The following TRIM38 variants were observed in gnomAD, a reference collection of about 807,000 sequenced individuals.
The protein encoded by TRIM38 is E3 ubiquitin-protein ligase TRIM38.
A neutral mutation model predicts 35.8 loss-of-function variants in TRIM38; 35 were observed. That is an observed-to-expected ratio of 0.98 (90% CI 0.75 to 1.30). The LOEUF (loss-of-function observed/expected upper bound fraction) is 1.30, where lower values mean the gene tolerates loss of function less well. TRIM38 is among the 50% of genes most tolerant of loss of function. The pLI is 0.00. For missense variants in TRIM38, 545 were observed against 556.9 expected (o/e 0.98, Z 0.21); for synonymous variants, 198 against 204.7 (o/e 0.97, Z 0.28).
intron 5 of TRIM38, 74 bp from the exon 6 acceptor site, chr6:25,972,980 G>A: frequency 1.3e-6 from 2 of 1,595,970 alleles, no homozygotes; most frequent in African/African-American, 1.3e-5. Context: ...AAGCAAAGAA[G>A]AATAGCCCTG....
intron 7 of TRIM38, among the ~76,000 whole-genome samples, chr6:25,979,136 T>C (rs1760479112): frequency 6.6e-6 from 1 of 151,922 alleles, no homozygotes; most frequent in Non-Finnish European, 1.5e-5. Flanking sequence ...TATGTTAACA[T>C]ATATAATACA....
Position 25,987,752 on chromosome 6 carries a change from T to G in TRIM38, c.*4065T>G, listed in dbSNP as rs185116944. ...TTTATTCTTGGTGTTGTGCTTTCTA[T>G]GGGTTTTGACAAATGTATAATGTCA... On this transcript the variant is annotated 3_prime_UTR_variant, in exon 8 of 8. Transcript: ENST00000357085. The G allele has an allele frequency of 4.6e-5, 7 of 152,356 alleles. No homozygotes were observed. The East Asian group carries it at 1.4e-3, about 29-fold the overall frequency. 9.4% of individuals were successfully genotyped at this position (152,356 alleles called of 1,614,324 possible). A position where few individuals can be genotyped will look rare whatever the true frequency, so the allele number is the denominator to read the frequency against.
Position 25,989,507 on chromosome 6 carries a change from A to ATTTTTT in TRIM38, c.*5822_*5823insTTTTTT, listed in dbSNP as rs1254792103. The stretch of plus-strand genomic sequence containing the variant: ...TTTGCTATTGTTAGCAAGGTCTTGT[A>ATTTTTT]TTCTTTTTTTTTTTTTTTTTTTTTT... On this transcript the variant is annotated 3_prime_UTR_variant, in exon 8 of 8. Transcript: ENST00000357085. 3.6e-5 allele frequency: 4 copies of ATTTTTT among 109,948 alleles called. No homozygotes were observed. The highest frequency in any genetic ancestry group is 2.8e-4 in the Admixed American group (3 of 10,828). 6.8% of individuals were successfully genotyped at this position (109,948 alleles called of 1,614,324 possible). A position where few individuals can be genotyped will look rare whatever the true frequency, so the allele number is the denominator to read the frequency against.
intron 7 of TRIM38, among the ~76,000 whole-genome samples, chr6:25,980,021 T>G (rs553849205): frequency 3.3e-4 from 50 of 152,342 alleles, no homozygotes; most frequent in Middle Eastern, 3.4e-3. Context: ...GAAAATGATC[T>G]GTGTAATACA....
intron 7 of TRIM38, chr6:25,975,159 T>C: frequency 1.0e-6 from 1 of 977,334 alleles, no homozygotes; most frequent in Non-Finnish European, 1.2e-6. Context: ...AATGGGCTTA[T>C]CTTTTAACTA....
Position 25,983,345 on chromosome 6 carries a change from T to C in TRIM38, c.1056T>C (p.Asp352=). The C allele has an allele frequency of 6.2e-7, 1 of 1,614,108 alleles. No homozygotes were observed. The highest frequency in any genetic ancestry group is 8.5e-7 in the Non-Finnish European group (1 of 1,180,004). The change falls in exon 8 of 8, where the codon GAT becomes GAC. Residue 352 remains aspartate (D), a synonymous_variant. Coordinates refer to ENST00000357085, the MANE Select transcript of TRIM38 (RefSeq NM_006355.5). Reference sequence around the variant, plus strand: ...CAGGAAGACGTTACTTTGAAGTGGATGTTGGCGAAGGAACCGGATGGGATT... The same window carrying C: ...CAGGAAGACGTTACTTTGAAGTGGACGTTGGCGAAGGAACCGGATGGGATT... The part of the protein sequence containing the change: ...FTSGRRYFEV[D]VGEGTGWDLG...
At chr6:25,969,101 C>T (rs1363109383) in intron 3 of TRIM38, among the ~76,000 whole-genome samples, 1 of 152,206 alleles carries the variant, frequency 6.6e-6, no homozygotes. Flanking sequence ...TCATTTTCTA[C>T]AGCACAGAAA....
intron 3 of TRIM38, among the ~76,000 whole-genome samples, chr6:25,967,994 C>T (rs1199075627): frequency 6.6e-6 from 1 of 152,096 alleles, no homozygotes; most frequent in Non-Finnish European, 1.5e-5. Flanking sequence ...GTTTTGTGTA[C>T]CATCCAGATT....
chr6:25,965,507 G>A (rs1759996956), intron 2 of TRIM38, among the ~76,000 whole-genome samples: 1 of 152,164 alleles, frequency 6.6e-6, no homozygotes, highest in Non-Finnish European at 1.5e-5. Flanking sequence ...TGTAGTCCCA[G>A]CCACTCTGCC....
chr6:25,985,942 C>T lies in TRIM38; in HGVS notation c.*2255C>T, dbSNP rs1036134478. The T allele has an allele frequency of 1.3e-5, 2 of 151,824 alleles. No homozygotes were observed. Among genetic ancestry groups the T allele is most frequent in the African/African-American group, 4.8e-5 (2 of 41,280 alleles). The allele number at this position is 151,824 out of a possible 1,614,324, so 9.4% of individuals were successfully genotyped here. On this transcript the variant is annotated 3_prime_UTR_variant, in exon 8 of 8. Transcript: ENST00000357085. ...AGTTTTAAAAAATGAATAAAATAAA[C>T]CTGTGGAAACTATAAGGAAGGCCAG...
chr6:25,974,966 C>T (rs962256795), intron 7 of TRIM38: 32 of 984,926 alleles, frequency 3.2e-5, no homozygotes, highest in Non-Finnish European at 3.6e-5. Context: ...GTCAATTTGC[C>T]TACTCTCATC....
intron 3 of TRIM38, among the ~76,000 whole-genome samples, chr6:25,968,310 G>C (rs183556302): frequency 1.3e-5 from 2 of 152,266 alleles, no homozygotes. Flanking sequence ...TTTCCACCAA[G>C]TAGTAAGAAA....
rs780009623 is a variant in TRIM38, at chr6:25,966,584, G to A, written c.62G>A (p.Ser21Asn). 18 of 1,614,002 alleles carry A rather than the reference G, an allele frequency of 1.1e-5. No homozygotes were observed. Among genetic ancestry groups the A allele is most frequent in the African/African-American group, 1.3e-5 (1 of 74,900 alleles). Reference sequence around the variant, plus strand: ...GAAGCCACCTGCTCCATCTGCCTGAGCCTGATGACGAACCCAGTAAGCATC... The same window carrying A: ...GAAGCCACCTGCTCCATCTGCCTGAACCTGATGACGAACCCAGTAAGCATC... Reference protein sequence around the residue: ...MEEATCSICLSLMTNPVSINC... With the variant: ...MEEATCSICLNLMTNPVSINC... Residue 21 changes from serine (S) to asparagine (N), a missense_variant, in exon 3 of 8, where the codon AGC becomes AAC. Physicochemically the swap from Ser to Asn is conservative, Grantham distance 46. Coordinates refer to ENST00000357085, the MANE Select transcript of TRIM38 (RefSeq NM_006355.5).
chr6:25,977,973 C>G (rs937265079), intron 7 of TRIM38, among the ~76,000 whole-genome samples: 2 of 152,038 alleles, frequency 1.3e-5, no homozygotes, highest in Non-Finnish European at 1.5e-5. Context: ...TGGCTCCATA[C>G]CTGGACTCTT....
chr6:25,980,739 A>G (rs1760521583), intron 7 of TRIM38, among the ~76,000 whole-genome samples: 1 of 152,196 alleles, frequency 6.6e-6, no homozygotes, highest in South Asian at 2.1e-4. Context: ...ATTCTTAATA[A>G]TGCTCTGACT....
At chr6:25,980,909 C>T (rs1012786028) in intron 7 of TRIM38, among the ~76,000 whole-genome samples, 3 of 152,134 alleles carry the variant, frequency 2.0e-5, no homozygotes, top group Non-Finnish European at 2.9e-5. Flanking sequence ...ATTACCACCC[C>T]GTAAACATTT....
At chr6:25,969,596 T>C (rs559285266) in intron 4 of TRIM38, among the ~76,000 whole-genome samples, 176 bp downstream of exon 4, 25 of 152,350 alleles carry the variant, frequency 1.6e-4, no homozygotes, top group Middle Eastern at 3.4e-3. Context: ...TTTACATCCA[T>C]GAGTATTTAG....
chr6:25,987,743 T>A lies in TRIM38; in HGVS notation c.*4056T>A, dbSNP rs1760752733. On this transcript the variant is annotated 3_prime_UTR_variant, in exon 8 of 8. Coordinates refer to ENST00000357085, the MANE Select transcript of TRIM38 (RefSeq NM_006355.5). ...ACATTAGGGTTTATTCTTGGTGTTGTGCTTTCTATGGGTTTTGACAAATGT... is the reference window on the plus strand; with the variant it reads ...ACATTAGGGTTTATTCTTGGTGTTGAGCTTTCTATGGGTTTTGACAAATGT... 1 of 152,224 alleles carries A rather than the reference T, an allele frequency of 6.6e-6. No homozygotes were observed. The highest frequency in any genetic ancestry group is 2.4e-5 in the African/African-American group (1 of 41,450). 9.4% of individuals were successfully genotyped at this position (152,224 alleles called of 1,614,324 possible).
chr6:25,977,714 T>TG (rs1446983737), intron 7 of TRIM38, among the ~76,000 whole-genome samples: 1 of 116,976 alleles, frequency 8.5e-6, no homozygotes, highest in Admixed American at 9.3e-5. Flanking sequence ...GAGAAAGAGG[T>TG]GGGGGAGGGG....
Sources: gnomAD v4.1 joint callset for allele counts (sites outside exome capture counted in the v4.1 genomes callset) on GRCh38, gnomAD v4.1.1 for gene constraint, MANE v1.5 for transcripts, NCBI Gene and HGNC (gene_info 2026-07-23, HGNC 2026-07-21) for gene names.